Variants in FBXL20 observed in about 807,000 individuals in gnomAD.
FBXL20 encodes F-box and leucine rich repeat protein 20.
In FBXL20, 11 loss-of-function variants were observed where a neutral mutation model predicts 64.0. That is an observed-to-expected ratio of 0.17 (90% CI 0.11 to 0.28). The LOEUF is 0.28. FBXL20 is among the 10% of genes least tolerant of loss of function. The pLI, the probability that FBXL20 is intolerant of heterozygous loss-of-function variation, is 1.00. For missense variants in FBXL20, 303 were observed against 526.2 expected, an observed-to-expected ratio of 0.58 and a Z score of 4.15; for synonymous variants, 184 against 189.0, an observed-to-expected ratio of 0.97 and a Z score of 0.22.
intron 2 of FBXL20, among the ~76,000 whole-genome samples, chr17:39,315,236 C>A (rs563200348): frequency 3.3e-5 from 5 of 151,916 alleles, no homozygotes; most frequent in South Asian, 4.2e-4. Context: ...CTAGGGAGTG[C>A]GAATTGGTAC....
intron 10 of FBXL20, among the ~76,000 whole-genome samples, chr17:39,272,787 T>C (rs796753833): frequency 2.3e-4 from 34 of 150,792 alleles, no homozygotes; most frequent in African/African-American, 7.8e-4. Flanking sequence ...GAAAACACGA[T>C]CTGACTGGAA....
At chr17:39,392,858 G>A (rs1055753432) in intron 1 of FBXL20, among the ~76,000 whole-genome samples, 6 of 151,414 alleles carry the variant, frequency 4.0e-5, no homozygotes, top group Admixed American at 2.6e-4. Context: ...ACAAAAAAAT[G>A]TAAAATTTGC....
intron 1 of FBXL20, among the ~76,000 whole-genome samples, chr17:39,395,021 T>C (rs145577372): frequency 1.1e-4 from 16 of 152,200 alleles, no homozygotes; most frequent in African/African-American, 3.9e-4. Context: ...ACAGACAACT[T>C]TGGGAATGAA....
At chr17:39,289,726 G>A (rs989155717) in intron 6 of FBXL20, among the ~76,000 whole-genome samples, 1 of 151,616 alleles carries the variant, frequency 6.6e-6, no homozygotes, top group African/African-American at 2.4e-5. Context: ...CAGGAGTGGT[G>A]ACTCACGCCT....
At chr17:39,274,518 A>G (rs1471114062) in intron 10 of FBXL20, among the ~76,000 whole-genome samples, 1 of 152,204 alleles carries the variant, frequency 6.6e-6, no homozygotes, top group Non-Finnish European at 1.5e-5. Flanking sequence ...CCAGAGAGAA[A>G]TAAGACTGTT....
chr17:39,401,878 A>G, upstream of FBXL20: 1 of 392,332 alleles, frequency 2.5e-6, no homozygotes, highest in Non-Finnish European at 4.1e-6. Context: ...CATCGGGAGA[A>G]GGCGAGGCAG....
chr17:39,400,713 G>A (rs2048233073), intron 1 of FBXL20, among the ~76,000 whole-genome samples: 1 of 152,164 alleles, frequency 6.6e-6, no homozygotes, highest in African/African-American at 2.4e-5. Flanking sequence ...AAGACAGACC[G>A]GAATGGATTT....
intron 1 of FBXL20, among the ~76,000 whole-genome samples, chr17:39,349,012 G>A (rs112306815): frequency 0.032 from 4,845 of 152,016 alleles, 119 homozygotes; most frequent in African/African-American, 0.069. Flanking sequence ...AGCACTTTGG[G>A]AGGCTGAGGC....
At chr17:39,303,526 A>T (rs1169138801) in intron 3 of FBXL20, 59 bp downstream of exon 3, 1 of 1,380,662 alleles carries the variant, frequency 7.2e-7, no homozygotes, top group African/African-American at 1.5e-5. Context: ...CCTATGAAAG[A>T]GGCTGTTATC....
At chr17:39,374,622 T>G (rs912941743) in intron 1 of FBXL20, among the ~76,000 whole-genome samples, 1 of 152,234 alleles carries the variant, frequency 6.6e-6, no homozygotes, top group Non-Finnish European at 1.5e-5. Flanking sequence ...GGGTCATCAC[T>G]GTTTCTGTTT....
At chr17:39,401,913 G>C (rs1162444128), upstream of FBXL20, 1 of 410,524 alleles carries the variant, frequency 2.4e-6, no homozygotes, top group Non-Finnish European at 4.1e-6. Context: ...GTGTGGAAAA[G>C]GGGGTCTGTG....
chr17:39,343,938 ACCACAACTT>A (rs1342076966), intron 1 of FBXL20, among the ~76,000 whole-genome samples: 47 of 152,062 alleles, frequency 3.1e-4, no homozygotes, highest in African/African-American at 1.1e-3. Context: ...ATCTCGGCTC[ACCACAACTT>A]CTGCCACCTA....
chr17:39,386,117 G>T (rs1237529391), intron 1 of FBXL20, among the ~76,000 whole-genome samples: 1 of 151,642 alleles, frequency 6.6e-6, no homozygotes, highest in African/African-American at 2.4e-5. Flanking sequence ...GGCCAAGGTG[G>T]GTGGATAAGA....
intron 2 of FBXL20, among the ~76,000 whole-genome samples, chr17:39,328,497 A>G (rs984440500): frequency 6.6e-6 from 1 of 152,148 alleles, no homozygotes; most frequent in Non-Finnish European, 1.5e-5. Flanking sequence ...AAACAGTTTG[A>G]GCATCAAAAT....
intron 2 of FBXL20, among the ~76,000 whole-genome samples, chr17:39,315,636 G>C (rs1301503544): frequency 6.6e-6 from 1 of 151,728 alleles, no homozygotes; most frequent in Non-Finnish European, 1.5e-5. Context: ...GATACAAGCA[G>C]GGTGAATGGG....
intron 1 of FBXL20, among the ~76,000 whole-genome samples, chr17:39,366,245 T>C (rs548169481): frequency 6.6e-6 from 1 of 152,312 alleles, no homozygotes; most frequent in South Asian, 2.1e-4. Context: ...ACAATAGGAC[T>C]ATGGACTCTT....
chr17:39,268,909 A>C (rs747228102), intron 11 of FBXL20, 38 bp from the exon 12 acceptor site: 1 of 1,553,192 alleles, frequency 6.4e-7, no homozygotes, highest in East Asian at 2.2e-5. Flanking sequence ...ATTACAGTAC[A>C]AACATTTAAA....
chr17:39,288,302 C>T (rs754764106), intron 6 of FBXL20, among the ~76,000 whole-genome samples: 15 of 152,070 alleles, frequency 9.9e-5, no homozygotes, highest in Non-Finnish European at 2.1e-4. Context: ...TTTGCCATTC[C>T]TATGTCTTCG....
chr17:39,324,860 T>C (rs1286854589), intron 2 of FBXL20, among the ~76,000 whole-genome samples: 1 of 152,154 alleles, frequency 6.6e-6, no homozygotes, highest in Non-Finnish European at 1.5e-5. Flanking sequence ...AAAAAATGAA[T>C]GTCAATGATG....
Sources: gnomAD v4.1 joint callset for allele counts (sites outside exome capture counted in the v4.1 genomes callset) on GRCh38, gnomAD v4.1.1 for gene constraint, MANE v1.5 for transcripts, NCBI Gene and HGNC (gene_info 2026-07-23, HGNC 2026-07-21) for gene names.